Variants in SH3D19 observed in about 807,000 individuals in gnomAD.
SH3D19 encodes the protein SH3 domain containing 19.
Under a neutral mutation model 112.1 loss-of-function variants are expected in SH3D19, and 58 were observed. The observed-to-expected ratio is 0.52, with a 90% CI of 0.42 to 0.64. The LOEUF (loss-of-function observed/expected upper bound fraction) is 0.64. Among genes scored for constraint, SH3D19 ranks in the 30% least tolerant of loss-of-function variants. The pLI is 0.00. For missense variants in SH3D19, 1,090 were observed against 1,263.4 expected (o/e 0.86, Z 2.08); for synonymous variants, 391 against 448.5 (o/e 0.87, Z 1.62).
chr4:151,201,873 ATGG>A (rs1156328504), intron 2 of SH3D19, among the ~76,000 whole-genome samples: 5 of 151,750 alleles, frequency 3.3e-5, no homozygotes, highest in Non-Finnish European at 7.4e-5. Flanking sequence ...TTAGCCAGGC[ATGG>A]TGGCGGCTAC....
intron 1 of SH3D19, among the ~76,000 whole-genome samples, chr4:151,276,596 G>A (rs1321950746): frequency 6.6e-6 from 1 of 152,112 alleles, no homozygotes; most frequent in Non-Finnish European, 1.5e-5. Context: ...ACGCATCACA[G>A]TTCAACTCTC....
At chr4:151,207,691 C>T (rs1561343100) in intron 2 of SH3D19, among the ~76,000 whole-genome samples, 1 of 152,120 alleles carries the variant, frequency 6.6e-6, no homozygotes, top group Non-Finnish European at 1.5e-5. Flanking sequence ...TCTCCAAGCA[C>T]GAAGGGATAG....
At chr4:151,294,429 T>C (rs925585894) in intron 1 of SH3D19, among the ~76,000 whole-genome samples, 1 of 152,184 alleles carries the variant, frequency 6.6e-6, no homozygotes, top group Non-Finnish European at 1.5e-5. Context: ...GCCATGCAAC[T>C]GCAAAAAAAG....
chr4:151,165,937 T>C (rs1347790756), intron 7 of SH3D19: 1 of 406,944 alleles, frequency 2.5e-6, no homozygotes, highest in African/African-American at 2.0e-5. Context: ...GAGGATGATC[T>C]TGAATTATGT....
At chr4:151,190,352 G>C (rs1179338521) in intron 2 of SH3D19, among the ~76,000 whole-genome samples, 1 of 152,164 alleles carries the variant, frequency 6.6e-6, no homozygotes, top group Non-Finnish European at 1.5e-5. Flanking sequence ...AAGTAACAAG[G>C]GGCCAAATGT....
At chr4:151,266,816 T>G (rs1004249036) in intron 1 of SH3D19, among the ~76,000 whole-genome samples, 2 of 152,214 alleles carry the variant, frequency 1.3e-5, no homozygotes, top group Non-Finnish European at 2.9e-5. Context: ...ATATTTACTT[T>G]ATGACTCCTC....
chr4:151,166,570 C>T (rs1758067491), intron 7 of SH3D19, among the ~76,000 whole-genome samples: 2 of 151,534 alleles, frequency 1.3e-5, no homozygotes, highest in African/African-American at 4.9e-5. Flanking sequence ...AATGGATATT[C>T]TACTCAGCAC....
At chr4:151,317,080 C>G (rs1730060691) in intron 1 of SH3D19, among the ~76,000 whole-genome samples, 1 of 152,212 alleles carries the variant, frequency 6.6e-6, no homozygotes. Flanking sequence ...AAGGGGTCGG[C>G]ATGACAAGTT....
chr4:151,132,347 G>C lies in SH3D19; in HGVS notation c.2726C>G (p.Ser909Cys), dbSNP rs1470553698. 3 of 1,613,952 alleles carry C rather than the reference G, an allele frequency of 1.9e-6. No homozygotes were observed. The highest frequency in any genetic ancestry group is 1.7e-5 in the Admixed American group (1 of 60,010). ...KVPLKTKKED[S>C]GSNSQVNSLP... ...GCAGCCTACCTGAGAGTTTGAGCCA[G>C]AATCTTCTTTTTTGGTTTTCAGTGG... The change falls in exon 17 of 20, where the codon TCT becomes TGT. Residue 909 changes from serine (S) to cysteine (C), a missense_variant. Transcript: ENST00000604030.
intron 7 of SH3D19, chr4:151,170,467 TC>T (rs1758854771): frequency 6.6e-6 from 1 of 152,064 alleles, no homozygotes; most frequent in Non-Finnish European, 1.5e-5. Flanking sequence ...AAATAAAAAC[TC>T]TTTTTCTGGG....
rs1423245848 is a variant in SH3D19 at position 151,178,848 on chromosome 4, C to T, written c.236+507G>A. The stretch of plus-strand genomic sequence containing the variant: ...TTGTCCATCCATCCTTCTGTCCATT[C>T]TATTGTCCATCTGTCCACTGGTCCT... On this transcript the variant is annotated intron_variant, in intron 4 of 19. Transcript: ENST00000604030. Among the ~76,000 whole-genome samples the T allele has an allele frequency of 2.6e-5, 4 of 152,184 alleles. No homozygotes were observed. In the East Asian group the frequency reaches 7.7e-4, roughly 29 times the overall value.
intron 1 of SH3D19, among the ~76,000 whole-genome samples, chr4:151,293,021 G>A (rs1161398373): frequency 6.6e-6 from 1 of 152,102 alleles, no homozygotes. Context: ...TCAGGAGGCT[G>A]AGGCAGGAGA....
chr4:151,297,893 A>G (rs1235164929), intron 1 of SH3D19, among the ~76,000 whole-genome samples: 2 of 152,200 alleles, frequency 1.3e-5, no homozygotes, highest in Non-Finnish European at 2.9e-5. Context: ...ATGGCTTCTT[A>G]TAAGAGTAAG....
intron 9 of SH3D19, among the ~76,000 whole-genome samples, chr4:151,152,685 AT>A (rs1755288054): frequency 6.7e-6 from 1 of 150,162 alleles, no homozygotes; most frequent in African/African-American, 2.5e-5. Context: ...TGCCTGGCTA[AT>A]TTTTGTATTT....
At chr4:151,149,733 A>C (rs1754579371) in intron 9 of SH3D19, among the ~76,000 whole-genome samples, 172 bp from the exon 10 acceptor site, 1 of 152,170 alleles carries the variant, frequency 6.6e-6, no homozygotes, top group Admixed American at 6.5e-5. Flanking sequence ...TTTCTGCCTA[A>C]ATTATTCATG....
intron 1 of SH3D19, among the ~76,000 whole-genome samples, chr4:151,244,972 G>T (rs750480272): frequency 6.6e-6 from 1 of 151,918 alleles, no homozygotes; most frequent in Non-Finnish European, 1.5e-5. Flanking sequence ...GTGAAATCTC[G>T]TATCTACTAA....
At chr4:151,291,983 A>C (rs892375463) in intron 1 of SH3D19, among the ~76,000 whole-genome samples, 1 of 152,152 alleles carries the variant, frequency 6.6e-6, no homozygotes, top group Admixed American at 6.5e-5. Flanking sequence ...CCTGTTCCAT[A>C]AGGAGCAGTA....
intron 3 of SH3D19, among the ~76,000 whole-genome samples, chr4:151,182,930 T>A (rs908340905): frequency 1.3e-5 from 2 of 152,196 alleles, no homozygotes; most frequent in South Asian, 2.1e-4. Flanking sequence ...TGCCACAGAA[T>A]AAAGGCAGTA....
At chr4:151,255,353 C>G (rs1310029596) in intron 1 of SH3D19, among the ~76,000 whole-genome samples, 2 of 138,186 alleles carry the variant, frequency 1.4e-5, no homozygotes, top group Admixed American at 1.4e-4. Flanking sequence ...CAGACAGGGT[C>G]GCGGCCGGGC....
Sources: gnomAD v4.1 joint callset for allele counts (sites outside exome capture counted in the v4.1 genomes callset) on GRCh38, gnomAD v4.1.1 for gene constraint, MANE v1.5 for transcripts, NCBI Gene and HGNC (gene_info 2026-07-23, HGNC 2026-07-21) for gene names.